PRR16: variants seen among roughly 807,000 people sequenced by gnomAD.
PRR16 encodes proline rich 16.
Under a neutral mutation model 18.2 loss-of-function variants are expected in PRR16, and 6 were observed. The observed-to-expected ratio is 0.33, with a 90% CI of 0.18 to 0.65. PRR16 has a LOEUF of 0.65. PRR16 is among the 30% of genes least tolerant of loss of function. The pLI is 0.74. For synonymous variants in PRR16, 151 were observed against 147.8 expected, an observed-to-expected ratio of 1.02 and a Z score of -0.16; for missense variants, 412 against 376.6, an observed-to-expected ratio of 1.09 and a Z score of -0.78.
chr5:120,603,166 G>A (rs992134690), intron 1 of PRR16, among the ~76,000 whole-genome samples: 1 of 152,038 alleles, frequency 6.6e-6, no homozygotes, highest in Non-Finnish European at 1.5e-5. Flanking sequence ...CTGTCTGGTA[G>A]AATTTTCTGT....
At chr5:120,607,790 G>A (rs1164721944) in intron 1 of PRR16, among the ~76,000 whole-genome samples, 1 of 152,004 alleles carries the variant, frequency 6.6e-6, no homozygotes, top group Non-Finnish European at 1.5e-5. Context: ...TTGTGTGAGT[G>A]TTTCAATTCT....
chr5:120,697,625 G>T, the PRR16 span, among the ~76,000 whole-genome samples: 2 of 152,064 alleles, frequency 1.3e-5, no homozygotes, highest in Non-Finnish European at 2.9e-5. Context: ...GGGTGCAGGC[G>T]GGCTGAGTCC....
At chr5:120,694,454 G>T in the PRR16 span, among the ~76,000 whole-genome samples, 11 of 152,138 alleles carry the variant, frequency 7.2e-5, no homozygotes, top group Non-Finnish European at 1.3e-4. Context: ...GGAGACCGAG[G>T]CGGGCGGATC....
intron 1 of PRR16, among the ~76,000 whole-genome samples, chr5:120,647,381 T>C (rs1304931429): frequency 6.7e-6 from 1 of 149,720 alleles, no homozygotes; most frequent in Admixed American, 6.6e-5. Flanking sequence ...CTGCTTAATT[T>C]TTTAAGAGAT....
At chr5:120,555,422 A>T (rs527991562) in intron 1 of PRR16, among the ~76,000 whole-genome samples, 8 of 152,018 alleles carry the variant, frequency 5.3e-5, no homozygotes, top group Middle Eastern at 3.4e-3. Context: ...TTCCAAGTCA[A>T]GGTGCTGGCC....
At chr5:120,494,236 G>A (rs1018266964) in intron 1 of PRR16, among the ~76,000 whole-genome samples, 1 of 152,068 alleles carries the variant, frequency 6.6e-6, no homozygotes, top group African/African-American at 2.4e-5. Context: ...TGAGTGTAGT[G>A]CTACCTCATT....
intron 1 of PRR16, among the ~76,000 whole-genome samples, chr5:120,512,341 G>C (rs1750856001): frequency 6.6e-6 from 1 of 152,116 alleles, no homozygotes; most frequent in African/African-American, 2.4e-5. Context: ...ACAATTGCCT[G>C]GCTGTGGTTC....
the PRR16 span, among the ~76,000 whole-genome samples, chr5:120,726,253 G>T: frequency 1.3e-5 from 2 of 151,988 alleles, no homozygotes; most frequent in African/African-American, 4.8e-5. Context: ...ATATCCTTTG[G>T]ATTCAAACAG....
rs2150157883 is a variant in PRR16 at position 120,687,144 on chromosome 5, G to T, written c.*435G>T. 6.5e-6 allele frequency: 1 copy of T among 153,124 alleles called. No homozygotes were observed. The highest frequency in any genetic ancestry group is 1.5e-5 in the Non-Finnish European group (1 of 68,382). 9.5% of individuals were successfully genotyped at this position (153,124 alleles called of 1,614,324 possible). ...GACTATTTTATTATTTTTTTCTAAA[G>T]ATGTTTGTCACTAGTTTTTCATTAT... On this transcript the variant is annotated 3_prime_UTR_variant, in exon 2 of 2. Transcript: ENST00000407149.
intron 1 of PRR16, among the ~76,000 whole-genome samples, chr5:120,476,265 CGTCTTTCCAATTTGGCCTTGTCTCT>C (rs1329067368): frequency 1.3e-5 from 2 of 152,090 alleles, no homozygotes; most frequent in African/African-American, 4.8e-5. Flanking sequence ...CCAGTGGTCC[CGTCTTTCCAATTTGGCCTTGTCTCT>C]GTCTTTCCTT....
intron 1 of PRR16, among the ~76,000 whole-genome samples, chr5:120,576,400 A>C (rs188384444): frequency 6.6e-6 from 1 of 152,310 alleles, no homozygotes; most frequent in Admixed American, 6.5e-5. Flanking sequence ...AGTGACCAAC[A>C]AGTATATGAA....
At chr5:120,649,464 A>C (rs559405333) in intron 1 of PRR16, among the ~76,000 whole-genome samples, 2 of 152,210 alleles carry the variant, frequency 1.3e-5, no homozygotes, top group African/African-American at 4.8e-5. Flanking sequence ...TTTTACTACT[A>C]TTGACTATAC....
chr5:120,767,741 C>T, the PRR16 span, among the ~76,000 whole-genome samples: 1 of 151,666 alleles, frequency 6.6e-6, no homozygotes, highest in African/African-American at 2.4e-5. Flanking sequence ...TAAAGAAAGG[C>T]AAATGAAAAA....
At chr5:120,559,938 A>G (rs1752524887) in intron 1 of PRR16, among the ~76,000 whole-genome samples, 1 of 151,722 alleles carries the variant, frequency 6.6e-6, no homozygotes, top group South Asian at 2.1e-4. Context: ...TATTTTTCAG[A>G]TGTTTGGTAT....
chr5:120,737,034 A>G, the PRR16 span, among the ~76,000 whole-genome samples: 1 of 152,158 alleles, frequency 6.6e-6, no homozygotes, highest in Non-Finnish European at 1.5e-5. Flanking sequence ...AGGTCATGTC[A>G]TTTATGAAGA....
chr5:120,771,027 CTTTAATT>C, the PRR16 span, among the ~76,000 whole-genome samples: 4 of 136,306 alleles, frequency 2.9e-5, no homozygotes, highest in Admixed American at 1.5e-4. Context: ...TTTGAGAATT[CTTTAATT>C]TTTAAGATAA....
chr5:120,757,755 A>T, the PRR16 span, among the ~76,000 whole-genome samples: 4 of 152,106 alleles, frequency 2.6e-5, no homozygotes, highest in Non-Finnish European at 5.9e-5. Flanking sequence ...GCGATGTGTA[A>T]CTAATGGCAA....
intron 1 of PRR16, among the ~76,000 whole-genome samples, chr5:120,634,366 G>C (rs190163184): frequency 8.1e-4 from 123 of 152,236 alleles, no homozygotes; most frequent in Non-Finnish European, 7.5e-4. Context: ...AAAGAGGGCC[G>C]GGCATGGTGG....
the PRR16 span, among the ~76,000 whole-genome samples, chr5:120,794,256 C>T: frequency 6.6e-6 from 1 of 152,022 alleles, no homozygotes; most frequent in South Asian, 2.1e-4. Flanking sequence ...AAAATGAATA[C>T]AATCATGACT....
Sources: allele counts gnomAD v4.1 joint callset (sites outside exome capture counted in the v4.1 genomes callset), GRCh38; gene constraint gnomAD v4.1.1; transcripts MANE v1.5; gene names NCBI Gene and HGNC (gene_info 2026-07-23, HGNC 2026-07-21).